Variants in NDUFAF2 observed in about 807,000 individuals in gnomAD.
NDUFAF2 encodes NADH dehydrogenase [ubiquinone] 1 alpha subcomplex assembly factor 2.
In NDUFAF2, 13 loss-of-function variants were observed where a neutral mutation model predicts 22.8. That is an observed-to-expected ratio of 0.57 (90% CI 0.37 to 0.91). NDUFAF2 has a LOEUF of 0.91. NDUFAF2 is among the 40% of genes least tolerant of loss of function. The pLI, the probability that NDUFAF2 is intolerant of heterozygous loss-of-function variation, is 0.01. For synonymous variants in NDUFAF2, 53 were observed against 64.2 expected, an observed-to-expected ratio of 0.83 and a Z score of 0.84; for missense variants, 162 against 195.2, an observed-to-expected ratio of 0.83 and a Z score of 1.01.
At chr5:61,037,052 T>C (rs1751808761) in intron 1 of NDUFAF2, among the ~76,000 whole-genome samples, 1 of 152,150 alleles carries the variant, frequency 6.6e-6, no homozygotes, top group Admixed American at 6.5e-5. Context: ...CTGTAAATAG[T>C]ATAAGACCAT....
chr5:61,067,122 T>A (rs1040851329), intron 1 of NDUFAF2, among the ~76,000 whole-genome samples: 19 of 152,146 alleles, frequency 1.2e-4, no homozygotes, highest in African/African-American at 3.6e-4. Context: ...AACTGTGAGA[T>A]GATGTATATT....
chr5:61,115,827 T>C (rs1752905597), intron 3 of NDUFAF2: 1 of 152,186 alleles, frequency 6.6e-6, no homozygotes, highest in South Asian at 2.1e-4. Flanking sequence ...ATATCAATTT[T>C]AAATCTCCTA....
At chr5:61,068,019 A>T (rs778855873) in intron 1 of NDUFAF2, among the ~76,000 whole-genome samples, 1 of 152,146 alleles carries the variant, frequency 6.6e-6, no homozygotes, top group Non-Finnish European at 1.5e-5. Flanking sequence ...TATACAATGA[A>T]ATTTATTTTA....
chr5:61,005,763 C>T (rs983318863), intron 1 of NDUFAF2, among the ~76,000 whole-genome samples: 3 of 152,058 alleles, frequency 2.0e-5, no homozygotes, highest in African/African-American at 4.8e-5. Flanking sequence ...CTGTTCATAT[C>T]GTTTGCCCAC....
At position 60,945,235 on chromosome 5, in the gene NDUFAF2, G is replaced by C. The variant is rs1280754837; in HGVS notation, c.-21G>C. On this transcript the variant is annotated 5_prime_UTR_variant, in exon 1 of 4. Coordinates refer to ENST00000296597, the MANE Select transcript of NDUFAF2 (RefSeq NM_174889.5). The stretch of plus-strand genomic sequence containing the variant: ...TACTGCGGGTCCCGCTGCTGGCAGC[G>C]CTGGAAACTGGGTGGACGGCATGGG... 1 of 1,611,254 alleles carries C rather than the reference G, an allele frequency of 6.2e-7. No homozygotes were observed. Among genetic ancestry groups the C allele is most frequent in the Middle Eastern group, 2.0e-4 (1 of 4,956 alleles).
intron 3 of NDUFAF2, among the ~76,000 whole-genome samples, chr5:61,108,102 G>T (rs1168644672): frequency 6.7e-6 from 1 of 148,760 alleles, no homozygotes; most frequent in Non-Finnish European, 1.5e-5. Flanking sequence ...GTCTATCATT[G>T]TTGGACATTT....
chr5:61,039,079 A>T (rs916066245), intron 1 of NDUFAF2, among the ~76,000 whole-genome samples: 1 of 150,116 alleles, frequency 6.7e-6, no homozygotes, highest in Non-Finnish European at 1.5e-5. Context: ...TTATATTTTC[A>T]GTTTTGAATT....
At chr5:60,995,790 C>T (rs1234499016) in intron 1 of NDUFAF2, among the ~76,000 whole-genome samples, 4 of 152,136 alleles carry the variant, frequency 2.6e-5, no homozygotes, top group Non-Finnish European at 5.9e-5. Context: ...CCAGAAGTAC[C>T]GTCTGGGAGT....
Position 61,019,980 on chromosome 5 carries a change from T to C in NDUFAF2, c.128-53145T>C, listed in dbSNP as rs111625412. Among the ~76,000 whole-genome samples, 361 of 152,294 alleles carry C rather than the reference T, an allele frequency of 2.4e-3. 8 individuals carry two copies. Among genetic ancestry groups the C allele is most frequent in the African/African-American group, 8.4e-3 (351 of 41,586 alleles). The stretch of plus-strand genomic sequence containing the variant: ...TACAGAAAGATTTTTGACTACAAAT[T>C]CAATGTCTTTAATAGTAGCAGATTC... On this transcript the variant is annotated intron_variant, in intron 1 of 3. Transcript: ENST00000296597.
intron 1 of NDUFAF2, among the ~76,000 whole-genome samples, chr5:61,032,002 T>G (rs1042009345): frequency 6.6e-6 from 1 of 152,236 alleles, no homozygotes; most frequent in Non-Finnish European, 1.5e-5. Context: ...TTTATATATG[T>G]TTGTTGGCTG....
At chr5:61,058,262 T>C (rs1298516183) in intron 1 of NDUFAF2, among the ~76,000 whole-genome samples, 1 of 152,150 alleles carries the variant, frequency 6.6e-6, no homozygotes, top group East Asian at 1.9e-4. Context: ...TTTGCCATCA[T>C]TTTTAATTAT....
At chr5:60,984,650 A>G (rs1400284567) in intron 1 of NDUFAF2, among the ~76,000 whole-genome samples, 1 of 152,150 alleles carries the variant, frequency 6.6e-6, no homozygotes, top group African/African-American at 2.4e-5. Context: ...ATCTATTGAG[A>G]TAATGTGGTT....
intron 2 of NDUFAF2, among the ~76,000 whole-genome samples, chr5:61,089,993 G>T (rs927327372): frequency 6.6e-6 from 1 of 151,198 alleles, no homozygotes; most frequent in Non-Finnish European, 1.5e-5. Flanking sequence ...ATTTAGAGTT[G>T]TTTTTCTCAT....
intron 1 of NDUFAF2, among the ~76,000 whole-genome samples, chr5:60,975,482 T>C (rs546781416): frequency 2.0e-5 from 3 of 152,082 alleles, no homozygotes; most frequent in Admixed American, 1.3e-4. Context: ...AGAAGGTCAG[T>C]TGGATAAATG....
chr5:61,130,022 T>G (rs556839224), intron 3 of NDUFAF2, among the ~76,000 whole-genome samples: 5 of 152,218 alleles, frequency 3.3e-5, no homozygotes, highest in Admixed American at 6.6e-5. Context: ...TCTCAAGAAT[T>G]ATTCTAGAAA....
chr5:61,134,538 T>C (rs1039137796), intron 3 of NDUFAF2, among the ~76,000 whole-genome samples: 11 of 151,944 alleles, frequency 7.2e-5, no homozygotes, highest in African/African-American at 2.7e-4. Flanking sequence ...ACAAAAAAAT[T>C]AGCCGGACGT....
At chr5:61,009,163 C>CT (rs777379979) in intron 1 of NDUFAF2, among the ~76,000 whole-genome samples, 11 of 152,048 alleles carry the variant, frequency 7.2e-5, no homozygotes, top group Non-Finnish European at 1.6e-4. Context: ...TGTAAAAACT[C>CT]TTTAACAGCG....
At chr5:61,141,225 C>G (rs1741051123) in intron 3 of NDUFAF2, among the ~76,000 whole-genome samples, 1 of 91,712 alleles carries the variant, frequency 1.1e-5, no homozygotes, top group Admixed American at 1.3e-4. Context: ...GAAACTCCGT[C>G]TCAAAAAAAA....
At chr5:61,086,752 C>T (rs1752509475) in intron 2 of NDUFAF2, among the ~76,000 whole-genome samples, 1 of 151,716 alleles carries the variant, frequency 6.6e-6, no homozygotes, top group Non-Finnish European at 1.5e-5. Flanking sequence ...AAAACACAAA[C>T]TTAAAAAAAA....
Sources: allele counts gnomAD v4.1 joint callset (sites outside exome capture counted in the v4.1 genomes callset), GRCh38; gene constraint gnomAD v4.1.1; transcripts MANE v1.5; gene names NCBI Gene and HGNC (gene_info 2026-07-23, HGNC 2026-07-21).